Variants in ARMCX4 observed in about 807,000 individuals in gnomAD.
ARMCX4 encodes the protein armadillo repeat-containing X-linked protein 4.
A neutral mutation model predicts 34.7 loss-of-function variants in ARMCX4; 3 were observed. That is an observed-to-expected ratio of 0.09 (90% CI 0.04 to 0.22). The LOEUF (loss-of-function observed/expected upper bound fraction) is 0.22, where lower values mean the gene tolerates loss of function less well. ARMCX4 is among the 10% of genes least tolerant of loss of function. The pLI is 1.00. For missense variants in ARMCX4, 1,448 were observed against 1,720.8 expected (o/e 0.84, Z 2.81); for synonymous variants, 513 against 632.8 (o/e 0.81, Z 2.84).
chrX:101,495,557 A>T lies in ARMCX4; in HGVS notation c.*95A>T, dbSNP rs998442377. On this transcript the variant is annotated 3_prime_UTR_variant, in exon 6 of 6. Coordinates refer to ENST00000423738, the MANE Select transcript of ARMCX4 (RefSeq NM_001256155.3). ...AAATTGCATTATAACTTTGAAACTG[A>T]TGTTACCTATGATGGTCTATAGCTG... The T allele has an allele frequency of 9.9e-6, 9 of 907,651 alleles. No homozygotes were observed. In the African/African-American group the frequency reaches 1.8e-4, roughly 18 times the overall value. 74.8% of individuals were successfully genotyped at this position (907,651 alleles called of 1,213,427 possible). A position where few individuals can be genotyped will look rare whatever the true frequency, so the allele number is the denominator to read the frequency against.
intron 4 of ARMCX4, among the ~76,000 whole-genome samples, chrX:101,459,259 C>T (rs1156404701): frequency 8.9e-6 from 1 of 111,805 alleles, no homozygotes. Context: ...TCTGCAGGAG[C>T]GGGTTTGAAC....
At chrX:101,487,311 A>C (rs1044694246) in intron 3 of ARMCX4, 39 bp downstream of exon 3, 1 of 143,779 alleles carries the variant, frequency 7.0e-6, no homozygotes, top group Non-Finnish European at 1.4e-5. Context: ...GGATGACAAG[A>C]GAGGGTGGGC....
At chrX:101,452,992 A>G (rs1318544634) in intron 4 of ARMCX4, among the ~76,000 whole-genome samples, 1 of 110,543 alleles carries the variant, frequency 9.0e-6, no homozygotes. Context: ...TCTCATTACC[A>G]CCCTGAAAAT....
Position 101,491,762 on chromosome X carries a change from CAGA to C in ARMCX4, c.3177_3179del (p.Glu1059del). 3 of 1,156,301 alleles carry C rather than the reference CAGA, an allele frequency of 2.6e-6. No individual in the cohort carries two copies. The highest frequency in any genetic ancestry group is 2.3e-4 in the Middle Eastern group (1 of 4,307). ...TCCACTTCTGAGGCAGAAGCCACAGCAGAAGATGAGGCCTATGCAAAGCCTGAG... is the reference window on the plus strand; with the variant it reads ...TCCACTTCTGAGGCAGAAGCCACAGCAGATGAGGCCTATGCAAAGCCTGAG... On this transcript the variant is annotated inframe_deletion, in exon 6 of 6. Coordinates refer to ENST00000423738, the MANE Select transcript of ARMCX4 (RefSeq NM_001256155.3).
intron 4 of ARMCX4, among the ~76,000 whole-genome samples, chrX:101,470,174 C>A (rs1382232224): frequency 8.9e-6 from 1 of 112,536 alleles, no homozygotes; most frequent in African/African-American, 3.2e-5. Context: ...GTGTCAGATT[C>A]CCCTCTATTC....
downstream of ARMCX4, chrX:101,448,026 T>G (rs1931750633): frequency 9.0e-6 from 1 of 111,508 alleles, no homozygotes; most frequent in Non-Finnish European, 1.9e-5. Flanking sequence ...TAACCATCCT[T>G]CTACTCTATC....
Position 101,493,460 on chromosome X carries a change from C to T in ARMCX4, c.4871C>T (p.Pro1624Leu), listed in dbSNP as rs781895299. The stretch of plus-strand genomic sequence containing the variant: ...GGCCAGGTCCTTGGGGGAGCTAGGC[C>T]GGGGCCTGCAGACCAGTCCAGTGGT... ...AGGQVLGGARPGPADQSSGGS... is the reference protein window; with the variant it reads ...AGGQVLGGARLGPADQSSGGS... The change falls in exon 6 of 6, where the codon CCG (proline) becomes CTG (leucine). Residue 1624 changes from proline (P) to leucine (L), a missense_variant. Transcript: ENST00000423738. 7.8e-6 allele frequency: 9 copies of T among 1,150,376 alleles called. No homozygotes were observed. Among genetic ancestry groups the T allele is most frequent in the South Asian group, 1.9e-5 (1 of 52,236 alleles). The allele number at this position is 1,150,376 out of a possible 1,213,427, so 94.8% of individuals were successfully genotyped here. A position where few individuals can be genotyped will look rare whatever the true frequency, so the allele number is the denominator to read the frequency against.
chrX:101,488,310 T>G, intron 5 of ARMCX4, 134 bp from the exon 6 acceptor site: 1 of 566,263 alleles, frequency 1.8e-6, no homozygotes, highest in South Asian at 3.3e-5. Flanking sequence ...ATAAGAGGAA[T>G]GGAGAGGCTG....
chrX:101,497,361 C>T (rs1202029121), downstream of ARMCX4, among the ~76,000 whole-genome samples: 3 of 109,912 alleles, frequency 2.7e-5, no homozygotes, highest in Admixed American at 9.6e-5. Context: ...CTCAGCCTCC[C>T]GAGTAGCTGG....
rs781954215 is a variant in ARMCX4 at position 101,490,589 on chromosome X, C to A, written c.2000C>A (p.Thr667Asn). The change falls in exon 6 of 6, where the codon ACT becomes AAT. Residue 667 changes from threonine (T) to asparagine (N), a missense_variant. By Grantham distance (65) the Thr-to-Asn change is moderately conservative. Around this residue, in one of 2 missense-constraint regions of ARMCX4, gnomAD observed 1,343 missense variants for 1,540.7 expected, o/e 0.87. Coordinates refer to ENST00000423738, the MANE Select transcript of ARMCX4 (RefSeq NM_001256155.3). ...GAAGTTGGGGAAGGTGCAATGGGCA[C>A]TGCCCAGCTTCAGATTATGGCCAGT... ...KAEVGEGAMG[T>N]AQLQIMASSK... 5 of 1,154,606 alleles carry A rather than the reference C, an allele frequency of 4.3e-6. No individual in the cohort carries two copies. The South Asian group carries it at 9.5e-5, about 22-fold the overall frequency.
chrX:101,514,733 A>C (rs1556017187), intron 11 of ARMCX4, among the ~76,000 whole-genome samples: 1 of 111,730 alleles, frequency 9.0e-6, no homozygotes, highest in African/African-American at 3.3e-5. Context: ...CAACATAATC[A>C]ACCTGCCTCC....
chrX:101,439,601 C>G (rs1430800058), intron 2 of ARMCX4, among the ~76,000 whole-genome samples: 1 of 112,127 alleles, frequency 8.9e-6, no homozygotes, highest in Non-Finnish European at 1.9e-5. Flanking sequence ...CTCCCCGTCA[C>G]TTTCAGGTAC....
chrX:101,445,147 A>G (rs1337640229), intron 3 of ARMCX4, among the ~76,000 whole-genome samples: 1 of 112,300 alleles, frequency 8.9e-6, no homozygotes, highest in African/African-American at 3.2e-5. Context: ...AAAAGATAAC[A>G]TTTCTACATC....
chrX:101,516,930 T>A (rs1275908047), intron 11 of ARMCX4: 1 of 111,709 alleles, frequency 9.0e-6, no homozygotes. Flanking sequence ...CTTTCTCTAA[T>A]AAATTTACCT....
At chrX:101,421,732 C>T (rs375043260) in intron 2 of ARMCX4, among the ~76,000 whole-genome samples, 1 of 110,117 alleles carries the variant, frequency 9.1e-6, no homozygotes, top group South Asian at 3.9e-4. Context: ...AAGAGGAGAC[C>T]GATCTTGCCC....
At chrX:101,458,555 C>T (rs1235042048) in intron 4 of ARMCX4, among the ~76,000 whole-genome samples, 3 of 104,630 alleles carry the variant, frequency 2.9e-5, no homozygotes, top group Middle Eastern at 4.8e-3. Context: ...GGCATGATCT[C>T]GACTCACTGC....
rs189941074 is a variant in ARMCX4, at chrX:101,457,276, T to C, written c.-473+11232T>C. On this transcript the variant is annotated intron_variant and NMD_transcript_variant, in intron 4 of 15. Coordinates refer to the ARMCX4 transcript ENST00000433011. Reference sequence around the variant, plus strand: ...TTTTCTGGAAGGAATATTTCATAAATGTTATTTGTATTTCTTTCAAGAGGT... The same window carrying C: ...TTTTCTGGAAGGAATATTTCATAAACGTTATTTGTATTTCTTTCAAGAGGT... 2.0e-4 allele frequency among the ~76,000 whole-genome samples: 23 copies of C among 112,240 alleles called. No individual in the cohort carries two copies. The Admixed American group carries it at 2.1e-3, about 10-fold the overall frequency.
chrX:101,443,085 C>T (rs782535646), intron 2 of ARMCX4, among the ~76,000 whole-genome samples: 7 of 95,379 alleles, frequency 7.3e-5, no homozygotes, highest in South Asian at 5.3e-4. Flanking sequence ...GAGCCGAGAT[C>T]GTGCCACTGC....
downstream of ARMCX4, among the ~76,000 whole-genome samples, chrX:101,533,670 G>T (rs189491991): frequency 4.5e-5 from 5 of 112,057 alleles, no homozygotes; most frequent in East Asian, 1.4e-3. Context: ...GCAACTCACT[G>T]AAGTAAGAAT....
Sources: gnomAD v4.1 joint callset for allele counts (sites outside exome capture counted in the v4.1 genomes callset) on GRCh38, gnomAD v4.1.1 for gene constraint, gnomAD v4.1.1 regional missense constraint, MANE v1.5 for transcripts, NCBI Gene and HGNC (gene_info 2026-07-23, HGNC 2026-07-21) for gene names.